Variants in OTULIN observed in about 807,000 individuals in gnomAD.
The protein encoded by OTULIN is OTU deubiquitinase with linear linkage specificity.
OTULIN carries 15 observed loss-of-function variants against 39.6 expected under a neutral mutation model. The observed-to-expected ratio is 0.38, with a 90% CI of 0.25 to 0.58. OTULIN has a LOEUF of 0.58. Among genes scored for constraint, OTULIN ranks in the 20% least tolerant of loss-of-function variants. OTULIN has a pLI of 0.66. For synonymous variants in OTULIN, 156 were observed against 170.3 expected (o/e 0.92, Z 0.65); for missense variants, 319 against 445.9 (o/e 0.72, Z 2.56).
chr5:14,715,379 C>T, the OTULIN span, among the ~76,000 whole-genome samples: 3 of 152,164 alleles, frequency 2.0e-5, no homozygotes, highest in African/African-American at 7.2e-5. Context: ...GATCCACCTG[C>T]CTCGGACTAC....
the OTULIN span, among the ~76,000 whole-genome samples, chr5:14,715,216 C>G: frequency 9.8e-4 from 149 of 152,358 alleles, no homozygotes; most frequent in Non-Finnish European, 1.8e-3. Flanking sequence ...ACTGCAATCT[C>G]TGCCTCCTGG....
At chr5:14,691,990 A>G (rs371306639) in intron 6 of OTULIN, among the ~76,000 whole-genome samples, 16 of 152,308 alleles carry the variant, frequency 1.1e-4, no homozygotes, top group Admixed American at 3.3e-4. Flanking sequence ...CATCTGTTCA[A>G]TAGTTTGATG....
At chr5:14,685,096 C>T (rs1486070467) in intron 4 of OTULIN, among the ~76,000 whole-genome samples, 1 of 152,186 alleles carries the variant, frequency 6.6e-6, no homozygotes, top group African/African-American at 2.4e-5. Context: ...GAGGAGGGTA[C>T]CCTTTAGAGT....
the OTULIN span, chr5:14,713,514 C>A: frequency 6.2e-7 from 1 of 1,613,416 alleles, no homozygotes; most frequent in African/African-American, 1.3e-5. The surrounding 1 kb of genome is among the most constrained non-coding windows in gnomAD (Gnocchi z 4.4). Flanking sequence ...GGCAGAAGGA[C>A]CCACAGCCCC....
At chr5:14,710,003 A>T in the OTULIN span, 5 of 152,174 alleles carry the variant, frequency 3.3e-5, no homozygotes, top group Non-Finnish European at 5.9e-5. Context: ...AAAGGAAAAA[A>T]CCTGCTTTCC....
intron 6 of OTULIN, 37 bp from the exon 7 acceptor site, chr5:14,692,817 G>T: frequency 6.3e-7 from 1 of 1,595,426 alleles, no homozygotes; most frequent in Non-Finnish European, 8.6e-7. Context: ...TTTTCAGTGT[G>T]ATCTTCCTCA....
In OTULIN at chr5:14,693,123, G is replaced by A; in HGVS notation, c.*75G>A. 2 of 1,416,106 alleles carry A rather than the reference G, an allele frequency of 1.4e-6. No homozygotes were observed. Among genetic ancestry groups the A allele is most frequent in the Admixed American group, 2.1e-5 (1 of 46,776 alleles). The allele number at this position is 1,416,106 out of a possible 1,614,324, so 87.7% of individuals were successfully genotyped here. A position where few individuals can be genotyped will look rare whatever the true frequency, so the allele number is the denominator to read the frequency against. The stretch of plus-strand genomic sequence containing the variant: ...GCTCCTGGGCTTGGGCTGCAGGTTT[G>A]GGGGTCTCTAAGAACAATCTCTGAG... On this transcript the variant is annotated 3_prime_UTR_variant, in exon 7 of 7. Coordinates refer to ENST00000284274, the MANE Select transcript of OTULIN (RefSeq NM_138348.6).
downstream of OTULIN, among the ~76,000 whole-genome samples, chr5:14,703,969 A>G (rs1482777000): frequency 2.0e-5 from 3 of 152,172 alleles, no homozygotes; most frequent in Non-Finnish European, 4.4e-5. Context: ...ACTTTCTACA[A>G]TGTCTTATGA....
chr5:14,710,902 A>ACAACGTCAACCG, the OTULIN span: 7 of 405,808 alleles, frequency 1.7e-5, no homozygotes, highest in Non-Finnish European at 3.3e-5. Flanking sequence ...GGAGGAGGAC[A>ACAACGTCAACCG]CAACGTCAAC....
At chr5:14,689,578 T>C (rs901161141) in intron 5 of OTULIN, among the ~76,000 whole-genome samples, 2 of 152,220 alleles carry the variant, frequency 1.3e-5, no homozygotes, top group Admixed American at 1.3e-4. Context: ...TTTAGTAAAT[T>C]ATTATTCAGG....
At chr5:14,673,848 T>A in intron 2 of OTULIN, 130 bp downstream of exon 2, 1 of 681,058 alleles carries the variant, frequency 1.5e-6, no homozygotes. Flanking sequence ...CTACATTGAT[T>A]GTTTTGCTGA....
Position 14,690,253 on chromosome 5 carries a change from G to C in OTULIN, c.809G>C (p.Gly270Ala). The C allele has an allele frequency of 6.2e-7, 1 of 1,614,168 alleles. No homozygotes were observed. The highest frequency in any genetic ancestry group is 8.5e-7 in the Non-Finnish European group (1 of 1,180,026). Residue 270 changes from glycine (G) to alanine (A), a missense_variant, in exon 6 of 7, where the codon GGA (glycine) becomes GCA (alanine). Physicochemically the swap from Gly to Ala is moderately conservative, Grantham distance 60. Transcript: ENST00000284274. This position sits in a 1 kb window ranked among gnomAD's most constrained non-coding sequence, Gnocchi z 4.5. ...GCTCGGGACACATCAAATGACCCAG[G>C]ACAGCTTCTGAGGAACCACCTCAAC... The part of the protein sequence containing the change: ...LFARDTSNDP[G>A]QLLRNHLNQV...
chr5:14,678,642 T>C, intron 2 of OTULIN, 39 bp from the exon 3 acceptor site: 2 of 1,398,348 alleles, frequency 1.4e-6, no homozygotes, highest in Non-Finnish European at 9.8e-7. Context: ...TATGCTTTGA[T>C]TTATTATTTG....
At position 14,690,502 on chromosome 5, in the gene OTULIN, A is replaced by G. The variant is rs994801633; in HGVS notation, c.864+194A>G. 6.6e-6 allele frequency among the ~76,000 whole-genome samples: 1 copy of G among 152,112 alleles called. No homozygotes were observed. Among genetic ancestry groups the G allele is most frequent in the Non-Finnish European group, 1.5e-5 (1 of 68,016 alleles). On this transcript the variant is annotated intron_variant, in intron 6 of 6. Transcript: ENST00000284274. The surrounding 1 kb of genome is among the most constrained non-coding windows in gnomAD (Gnocchi z 4.5). ...AGGCTTGACTGGGGCTGGAAGATCTACTTCCAGTGTTGTTCACTCATGTGG... is the reference window on the plus strand; with the variant it reads ...AGGCTTGACTGGGGCTGGAAGATCTGCTTCCAGTGTTGTTCACTCATGTGG...
At chr5:14,673,568 A>G in intron 1 of OTULIN, 74 bp from the exon 2 acceptor site, 1 of 1,293,096 alleles carries the variant, frequency 7.7e-7, no homozygotes, top group South Asian at 1.3e-5. Flanking sequence ...ATGCATTTGT[A>G]AGCAGCTGTA....
At chr5:14,713,464 G>C in the OTULIN span, 1 of 1,574,502 alleles carries the variant, frequency 6.4e-7, no homozygotes, top group Non-Finnish European at 8.7e-7. The surrounding 1 kb of genome is among the most constrained non-coding windows in gnomAD (Gnocchi z 4.4). Context: ...GATTTCCCCT[G>C]AAAATGTAGC....
intron 3 of OTULIN, among the ~76,000 whole-genome samples, 192 bp from the exon 4 acceptor site, chr5:14,681,272 C>T (rs759000586): frequency 8.0e-5 from 12 of 150,806 alleles, no homozygotes; most frequent in Non-Finnish European, 1.6e-4. Flanking sequence ...ATTTGAAACA[C>T]AGAGTAAACC....
chr5:14,676,740 C>T (rs1028324796), intron 2 of OTULIN, among the ~76,000 whole-genome samples: 1 of 152,216 alleles, frequency 6.6e-6, no homozygotes. Context: ...TGTTCAGGCT[C>T]ATAACCCTAC....
intron 2 of OTULIN, among the ~76,000 whole-genome samples, chr5:14,674,591 C>CA (rs1220591311): frequency 6.6e-6 from 1 of 151,916 alleles, no homozygotes; most frequent in Non-Finnish European, 1.5e-5. Flanking sequence ...CTTGTGTCTA[C>CA]AAAAAATACA....
Sources: gnomAD v4.1 joint callset for allele counts (sites outside exome capture counted in the v4.1 genomes callset) on GRCh38, gnomAD v4.1.1 for gene constraint, Gnocchi (gnomAD v3.1) non-coding constraint, MANE v1.5 for transcripts, NCBI Gene and HGNC (gene_info 2026-07-23, HGNC 2026-07-21) for gene names.